Variants in MYOM3 observed in about 807,000 individuals in gnomAD.
MYOM3 encodes the protein myomesin-3.
In MYOM3, 155 loss-of-function variants were observed where a neutral mutation model predicts 191.7. That is an observed-to-expected ratio of 0.81 (90% confidence interval 0.71 to 0.92). MYOM3 has a LOEUF of 0.92. MYOM3 is among the 40% of genes least tolerant of loss of function. The pLI is 0.00. For missense variants in MYOM3, 1,889 were observed against 1,890.6 expected, an observed-to-expected ratio of 1.00 and a Z score of 0.02; for synonymous variants, 757 against 762.9, an observed-to-expected ratio of 0.99 and a Z score of 0.13.
At chr1:24,082,396 C>T (rs1643682595) in intron 17 of MYOM3, 197 bp downstream of exon 17, 3 of 909,252 alleles carry the variant, frequency 3.3e-6, no homozygotes, top group African/African-American at 1.7e-5. Flanking sequence ...CAGAGCTGCT[C>T]AGGCCCCATC....
rs908382564 is a variant in MYOM3, at chr1:24,091,014, C to A, written c.1233-18G>T. ...CCTGGCACCTGTTGGAGACAGGCCCCCCCTTTCAGCCCCTGCCCACAATGC... is the reference window on the plus strand; with the variant it reads ...CCTGGCACCTGTTGGAGACAGGCCCACCCTTTCAGCCCCTGCCCACAATGC... On this transcript the variant is annotated intron_variant, in intron 11 of 36. Coordinates refer to ENST00000374434, the MANE Select transcript of MYOM3 (RefSeq NM_152372.4). The A allele has an allele frequency of 1.2e-6, 2 of 1,612,708 alleles. No homozygotes were observed. The highest frequency in any genetic ancestry group is 1.7e-5 in the Admixed American group (1 of 59,966).
Position 24,075,413 on chromosome 1 carries a change from G to C in MYOM3, c.2764C>G (p.Pro922Ala). 6.2e-7 allele frequency: 1 copy of C among 1,609,998 alleles called. No individual in the cohort carries two copies. The highest frequency in any genetic ancestry group is 8.5e-7 in the Non-Finnish European group (1 of 1,178,818). ...AACTCTGAGGAGTCGGGGGCTTCAG[G>C]GGCTTCAAAAGCCAAATAGATAAAG... is the stretch of plus-strand genomic sequence containing the variant. The part of the protein sequence containing the change: ...EGFIYLAFEA[P>A]EAPDSSEFQW... Residue 922 changes from proline to alanine, a missense_variant, in exon 22 of 37, where the codon CCT becomes GCT. By Grantham distance (27) the Pro-to-Ala change is conservative. Transcript: ENST00000374434.
chr1:24,066,984 T>A (rs1349112362), intron 28 of MYOM3, 37 bp downstream of exon 28: 13 of 1,541,150 alleles, frequency 8.4e-6, no homozygotes, highest in Non-Finnish European at 1.1e-5. Context: ...CAGGTCCCCC[T>A]GCACTGGGCC....
intron 8 of MYOM3, among the ~76,000 whole-genome samples, 157 bp downstream of exon 8, chr1:24,095,285 T>C (rs1643872809): frequency 6.6e-6 from 1 of 152,162 alleles, no homozygotes; most frequent in Non-Finnish European, 1.5e-5. Context: ...CTGCGGCCTT[T>C]AGAAGTCAGG....
At chr1:24,061,348 C>T (rs201550622) in intron 33 of MYOM3, 39 bp from the exon 34 acceptor site, 1 of 1,604,796 alleles carries the variant, frequency 6.2e-7, no homozygotes, top group South Asian at 1.1e-5. Context: ...CCATCAGGGC[C>T]TCTGCTGTCT....
Position 24,057,399 on chromosome 1 carries a change from G to T in MYOM3, c.4279C>A (p.His1427Asn), listed in dbSNP as rs1350484338. The change falls in exon 37 of 37, where the codon CAC (histidine) becomes AAC (asparagine). Residue 1427 changes from histidine to asparagine, a missense_variant. Physicochemically the swap from His to Asn is moderately conservative, Grantham distance 68. Coordinates refer to ENST00000374434, the MANE Select transcript of MYOM3 (RefSeq NM_152372.4). ...TGQVTISVFK[H>N]GDEPKELKSM ...TTCAGCTCCTTGGGCTCGTCCCCGT[G>T]CTTGAACACACTGATGGTGACCTGG... is the stretch of plus-strand genomic sequence containing the variant. 5 of 1,614,016 alleles carry T rather than the reference G, an allele frequency of 3.1e-6. No individual in the cohort carries two copies. The highest frequency in any genetic ancestry group is 4.2e-6 in the Non-Finnish European group (5 of 1,180,034).
At chr1:24,101,188 C>T (rs555896660) in intron 5 of MYOM3, among the ~76,000 whole-genome samples, 13 of 152,224 alleles carry the variant, frequency 8.5e-5, no homozygotes, top group African/African-American at 2.6e-4. Context: ...GAGGTGCCGG[C>T]GGCTGTCTCA....
intron 11 of MYOM3, 44 bp from the exon 12 acceptor site, chr1:24,091,040 A>G (rs531700551): frequency 6.3e-7 from 1 of 1,597,196 alleles, no homozygotes; most frequent in South Asian, 1.1e-5. Flanking sequence ...CCCACAATGC[A>G]CACCTTCCCA....
intron 14 of MYOM3, among the ~76,000 whole-genome samples, chr1:24,088,870 A>G (rs1038900905): frequency 6.6e-5 from 10 of 152,056 alleles, no homozygotes; most frequent in African/African-American, 1.9e-4. Context: ...TTTCATCTTC[A>G]CAGGGCAGGT....
intron 25 of MYOM3, among the ~76,000 whole-genome samples, chr1:24,070,314 C>T (rs1257052295): frequency 3.3e-5 from 5 of 151,960 alleles, no homozygotes; most frequent in Non-Finnish European, 5.9e-5. Flanking sequence ...AAAAATTCTC[C>T]ATTCAGTGTA....
intron 20 of MYOM3, among the ~76,000 whole-genome samples, chr1:24,076,983 G>A (rs1330912942): frequency 6.6e-6 from 1 of 152,072 alleles, no homozygotes; most frequent in Non-Finnish European, 1.5e-5. Context: ...CACCATGCCC[G>A]GCTGAGTTTT....
chr1:24,077,548 C>T (rs767759338), intron 20 of MYOM3, among the ~76,000 whole-genome samples: 24 of 152,200 alleles, frequency 1.6e-4, no homozygotes, highest in Non-Finnish European at 2.2e-4. Flanking sequence ...CACCCAGTTT[C>T]GGCAGATGCA....
In MYOM3 at chr1:24,060,642, G is replaced by A. The variant is rs372337942; in HGVS notation, c.3994+418C>T. 4.6e-5 allele frequency among the ~76,000 whole-genome samples: 7 copies of A among 152,264 alleles called. No homozygotes were observed. In the East Asian group the frequency reaches 1.4e-3, roughly 29 times the overall value. On this transcript the variant is annotated intron_variant, in intron 35 of 36. Transcript: ENST00000374434. ...CTCATGGACTTGGTGGTGGCTCCCC[G>A]GGTGGCCCGGAGGCCGTGCCATGTG... is the stretch of plus-strand genomic sequence containing the variant.
rs1287346658 is a variant in MYOM3, at chr1:24,095,444, T to C, written c.788A>G (p.Lys263Arg). ...CCGTTCTCCCCCAGCCGACTTACTT[T>C]TGAAGATCTCTGAATCGAAGCCAGC... ...KDAGFDSEIF[K>R]RSTFGPSVEF... The change falls in exon 8 of 37, where the codon AAA (lysine) becomes AGA (arginine). Residue 263 changes from lysine to arginine, a missense_variant and splice_region_variant. Lys to Arg is a conservative substitution (Grantham distance 26, BLOSUM62 2). Coordinates refer to ENST00000374434, the MANE Select transcript of MYOM3 (RefSeq NM_152372.4). 1 of 1,612,798 alleles carries C rather than the reference T, an allele frequency of 6.2e-7. No homozygotes were observed. The highest frequency in any genetic ancestry group is 1.7e-5 in the Admixed American group (1 of 59,884).
Position 24,082,012 on chromosome 1 carries a change from G to T in MYOM3, c.2269C>A (p.Arg757=), listed in dbSNP as rs548809586. 7.4e-4 allele frequency: 1,187 copies of T among 1,610,172 alleles called. 19 individuals carry two copies. In the South Asian group the frequency reaches 0.012, roughly 17 times the overall value. ...CCTTCCAGCCCTACCTTGCAGACCC[G>T]GGTGGGGATGGGCTGCTGATTGACC... The part of the protein sequence containing the change: ...HAVNQQPIPT[R]VCKVSDLHEG... The change falls in exon 18 of 37, where the codon CGG becomes AGG. Residue 757 remains arginine, a synonymous_variant. Coordinates refer to ENST00000374434, the MANE Select transcript of MYOM3 (RefSeq NM_152372.4).
chr1:24,062,713 GT>G (rs1041823417), intron 32 of MYOM3, among the ~76,000 whole-genome samples: 3 of 152,074 alleles, frequency 2.0e-5, no homozygotes, highest in African/African-American at 7.2e-5. Flanking sequence ...GGCTGACCAA[GT>G]TTGCTAAGTC....
chr1:24,080,737 T>C (rs1643657416), intron 19 of MYOM3, among the ~76,000 whole-genome samples: 1 of 152,222 alleles, frequency 6.6e-6, no homozygotes, highest in Admixed American at 6.5e-5. Flanking sequence ...TCGTTGTTTA[T>C]AATTGTGGTT....
chr1:24,082,691 G>C lies in MYOM3; in HGVS notation c.1994C>G (p.Thr665Arg), dbSNP rs148441250. 107 of 1,610,418 alleles carry C rather than the reference G, an allele frequency of 6.6e-5. No individual in the cohort carries two copies. In the African/African-American group the frequency reaches 1.4e-3, roughly 20 times the overall value. ...GTRFTVPGLR[T>R]GKEYEFCVRS... ...GACACAAAACTCGTACTCCTTCCCC[G>C]TCCTCAGCCCGGGAACTGTAAACCT... is the stretch of plus-strand genomic sequence containing the variant. Residue 665 changes from threonine (T) to arginine (R), a missense_variant, in exon 17 of 37, where the codon ACG becomes AGG. Physicochemically the swap from Thr to Arg is moderately conservative, Grantham distance 71 (BLOSUM62 -1). Transcript: ENST00000374434.
chr1:24,059,523 T>G (rs1453119234), intron 35 of MYOM3, among the ~76,000 whole-genome samples: 1 of 152,256 alleles, frequency 6.6e-6, no homozygotes, highest in Non-Finnish European at 1.5e-5. Flanking sequence ...GCCACTGATC[T>G]GAGGTCATTT....
Sources: gnomAD v4.1 joint callset for allele counts (sites outside exome capture counted in the v4.1 genomes callset) on GRCh38, gnomAD v4.1.1 for gene constraint, MANE v1.5 for transcripts, NCBI Gene and HGNC (gene_info 2026-07-23, HGNC 2026-07-21) for gene names.